SLC6A5: variants seen among roughly 807,000 people sequenced by gnomAD.
SLC6A5 encodes the protein solute carrier family 6 member 5.
A neutral mutation model predicts 90.5 loss-of-function variants in SLC6A5; 58 were observed. That is an observed-to-expected ratio of 0.64 (90% confidence interval 0.52 to 0.80). SLC6A5 has a LOEUF of 0.80. Among genes scored for constraint, SLC6A5 ranks in the 30% least tolerant of loss-of-function variants. The pLI is 0.00. For missense variants in SLC6A5, 1,015 were observed against 1,017.6 expected (o/e 1.00, Z 0.03); for synonymous variants, 427 against 401.4 (o/e 1.06, Z -0.76).
rs567894237 is a variant in SLC6A5, at chr11:20,655,029, G to T, written c.*161G>T. The T allele has an allele frequency of 2.2e-4, 172 of 798,576 alleles. 1 individual carries two copies. The Middle Eastern group carries it at 2.9e-3, about 14-fold the overall frequency. 49.5% of individuals were successfully genotyped at this position (798,576 alleles called of 1,614,324 possible). A position where few individuals can be genotyped will look rare whatever the true frequency, so the allele number is the denominator to read the frequency against. ...TATGTAGAAAAGTAGGCATAGTGTCGCATGCTGCAGTAAAGAGCTACATAG... is the reference window on the plus strand; with the variant it reads ...TATGTAGAAAAGTAGGCATAGTGTCTCATGCTGCAGTAAAGAGCTACATAG... On this transcript the variant is annotated 3_prime_UTR_variant, in exon 16 of 16. Coordinates refer to ENST00000525748, the MANE Select transcript of SLC6A5 (RefSeq NM_004211.5).
chr11:20,605,650 A>G (rs1215087220), intron 3 of SLC6A5, among the ~76,000 whole-genome samples: 3 of 152,218 alleles, frequency 2.0e-5, no homozygotes, highest in Non-Finnish European at 4.4e-5. Flanking sequence ...GAGTTCCAGC[A>G]AAAGGAGGTT....
intron 13 of SLC6A5, among the ~76,000 whole-genome samples, chr11:20,644,654 G>A (rs1853375314): frequency 6.6e-6 from 1 of 152,116 alleles, no homozygotes. Flanking sequence ...TTTCCATAGT[G>A]ACTGTACTAA....
At chr11:20,638,750 C>A (rs1565286059) in intron 13 of SLC6A5, among the ~76,000 whole-genome samples, 192 bp downstream of exon 13, 2 of 152,134 alleles carry the variant, frequency 1.3e-5, no homozygotes, top group African/African-American at 4.8e-5. Context: ...AATAGGGAAA[C>A]AAGAGGTGGC....
chr11:20,640,700 A>G (rs1279098004), intron 13 of SLC6A5, among the ~76,000 whole-genome samples: 1 of 19,292 alleles, frequency 5.2e-5, no homozygotes. Context: ...TTTGAGGTAA[A>G]AAAAAAAAAA....
rs2133828140 is a variant in SLC6A5 at position 20,655,070 on chromosome 11, G to C, written c.*202G>C. The stretch of plus-strand genomic sequence containing the variant: ...AGCTACATAGACCACCTGAAGCGCT[G>C]TTTGCCTGTGCCCATGGTGACTGTT... On this transcript the variant is annotated 3_prime_UTR_variant, in exon 16 of 16. Transcript: ENST00000525748. 1 of 616,778 alleles carries C rather than the reference G, an allele frequency of 1.6e-6. No individual in the cohort carries two copies. The highest frequency in any genetic ancestry group is 1.8e-5 in the African/African-American group (1 of 55,450). The allele number at this position is 616,778 out of a possible 1,614,324, so 38.2% of individuals were successfully genotyped here.
intron 3 of SLC6A5, among the ~76,000 whole-genome samples, chr11:20,605,361 C>G (rs756045578): frequency 1.4e-4 from 21 of 152,168 alleles, no homozygotes; most frequent in Non-Finnish European, 2.5e-4. Context: ...GCAGAACGGA[C>G]AGGTGCTGCA....
At chr11:20,631,658 CAT>C (rs139315369) in intron 10 of SLC6A5, among the ~76,000 whole-genome samples, 22,614 of 152,112 alleles carry the variant, frequency 0.15, 1,933 homozygotes, top group African/African-American at 0.23. Flanking sequence ...ATTATGATCT[CAT>C]TCTCAATTCA....
intron 7 of SLC6A5, among the ~76,000 whole-genome samples, chr11:20,625,314 T>A (rs1408225025): frequency 6.6e-6 from 1 of 152,140 alleles, no homozygotes; most frequent in Non-Finnish European, 1.5e-5. Context: ...CAGTCTGGAG[T>A]GCAATGGCGT....
chr11:20,617,801 A>G lies in SLC6A5; in HGVS notation c.1177A>G (p.Arg393Gly), dbSNP rs767937033. ...SAGIEYPGEI[R>G]WPLALCLFLA... ...AGGGATTGAATATCCTGGCGAGATCAGGTGGCCACTAGCTCTCTGCCTCTT... is the reference window on the plus strand; with the variant it reads ...AGGGATTGAATATCCTGGCGAGATCGGGTGGCCACTAGCTCTCTGCCTCTT... The change falls in exon 7 of 16, where the codon AGG (arginine) becomes GGG (glycine). Residue 393 changes from arginine to glycine, a missense_variant. Arg to Gly is a moderately radical substitution (Grantham distance 125). Around this residue, in one of 3 missense-constraint regions of SLC6A5, gnomAD observed 6 missense variants for 16.1 expected, o/e 0.37. Transcript: ENST00000525748. 1.2e-6 allele frequency: 2 copies of G among 1,614,066 alleles called. No individual in the cohort carries two copies. The highest frequency in any genetic ancestry group is 2.2e-5 in the South Asian group (2 of 91,090).
At chr11:20,634,851 T>C (rs982200557) in intron 10 of SLC6A5, among the ~76,000 whole-genome samples, 21 of 152,202 alleles carry the variant, frequency 1.4e-4, no homozygotes, top group African/African-American at 3.9e-4. Flanking sequence ...GATTGCTGAT[T>C]GTGGACGTGT....
intron 9 of SLC6A5, among the ~76,000 whole-genome samples, chr11:20,630,161 G>T (rs1330293472): frequency 6.6e-6 from 1 of 152,162 alleles, no homozygotes; most frequent in Non-Finnish European, 1.5e-5. Context: ...TCTAGGGGCT[G>T]GGAAGTCCAA....
rs138477311 is a variant in SLC6A5 at position 20,608,922 on chromosome 11, G to GTCTCTC, written c.985+1302_985+1307dup. Among the ~76,000 whole-genome samples the GTCTCTC allele has an allele frequency of 1.8e-3, 239 of 131,732 alleles. 1 individual carries two copies. Among genetic ancestry groups the GTCTCTC allele is most frequent in the Middle Eastern group, 0.012 (3 of 250 alleles). The allele number at this position is 131,732 out of a possible 152,430, so 86.4% of individuals were successfully genotyped here. On this transcript the variant is annotated intron_variant, in intron 5 of 15. Transcript: ENST00000525748. ...AGTCTCTCTCTCTGTCTGTCTGTCT[G>GTCTCTC]TCTCTCTCTCTCTCTCTCTCTCTCT... is the stretch of plus-strand genomic sequence containing the variant.
At chr11:20,640,129 C>T (rs1474034275) in intron 13 of SLC6A5, among the ~76,000 whole-genome samples, 1 of 152,184 alleles carries the variant, frequency 6.6e-6, no homozygotes, top group African/African-American at 2.4e-5. Context: ...TTCTTTGGCA[C>T]CTCAGCACCT....
intron 13 of SLC6A5, among the ~76,000 whole-genome samples, chr11:20,641,495 C>A (rs543585254): frequency 7.3e-5 from 11 of 150,748 alleles, no homozygotes; most frequent in African/African-American, 2.7e-4. Context: ...AAGTACAAAA[C>A]CCCCCAAAAA....
At chr11:20,609,923 T>G (rs897193654) in intron 5 of SLC6A5, among the ~76,000 whole-genome samples, 1 of 152,164 alleles carries the variant, frequency 6.6e-6, no homozygotes, top group Non-Finnish European at 1.5e-5. Context: ...GACTCAACTC[T>G]CCAAGTATCT....
chr11:20,627,835 A>G (rs1853028324), intron 8 of SLC6A5, 145 bp from the exon 9 acceptor site: 2 of 696,036 alleles, frequency 2.9e-6, no homozygotes, highest in Admixed American at 2.0e-5. Context: ...CAAGTGATTT[A>G]TGTTCTCATT....
At chr11:20,637,386 C>T (rs1853230518) in intron 12 of SLC6A5, 83 bp downstream of exon 12, 13 of 1,266,756 alleles carry the variant, frequency 1.0e-5, no homozygotes, top group Non-Finnish European at 1.5e-5. Context: ...ACCCTTAGCT[C>T]TCAGACCTTA....
intron 6 of SLC6A5, among the ~76,000 whole-genome samples, chr11:20,615,512 C>T (rs896050641): frequency 3.3e-5 from 5 of 152,040 alleles, no homozygotes; most frequent in Admixed American, 6.6e-5. Context: ...GGACTACAGG[C>T]GCGTGCCACC....
At chr11:20,621,214 C>T (rs1002963690) in intron 7 of SLC6A5, among the ~76,000 whole-genome samples, 2 of 152,080 alleles carry the variant, frequency 1.3e-5, no homozygotes, top group Non-Finnish European at 2.9e-5. Context: ...GGGAAAAAAT[C>T]CCCCCACAGT....
Sources: allele counts gnomAD v4.1 joint callset (sites outside exome capture counted in the v4.1 genomes callset), GRCh38; gene constraint gnomAD v4.1.1; regional missense constraint gnomAD v4.1.1; transcripts MANE v1.5; gene names NCBI Gene and HGNC (gene_info 2026-07-23, HGNC 2026-07-21).